CHD9: variants seen among roughly 807,000 people sequenced by gnomAD.
CHD9 encodes ATP-dependent chromatin remodeler CHD9.
CHD9 carries 77 observed loss-of-function variants against 316.1 expected under a neutral mutation model. The observed-to-expected ratio is 0.24, with a 90% CI of 0.20 to 0.29. The LOEUF (loss-of-function observed/expected upper bound fraction) is 0.29, where lower values mean the gene tolerates loss of function less well. Ranked by LOEUF, CHD9 falls within the 10% of genes least tolerant of loss-of-function variation. The pLI is 1.00. For missense variants in CHD9, 2,763 were observed against 3,438.1 expected (o/e 0.80, Z 4.91); for synonymous variants, 1,129 against 1,158.3 (o/e 0.97, Z 0.51).
chr16:53,082,089 C>G lies in CHD9; in HGVS notation c.-165+27012C>G, dbSNP rs553237679. Among the ~76,000 whole-genome samples, 3 of 152,278 alleles carry G rather than the reference C, an allele frequency of 2.0e-5. No individual in the cohort carries two copies. The South Asian group carries it at 6.2e-4, about 32-fold the overall frequency. ...AAGTCACTTTGTCTCAGGCTCTGTGCTTTAACCTTGGTGTTGGTGTTCCAT... is the reference window on the plus strand; with the variant it reads ...AAGTCACTTTGTCTCAGGCTCTGTGGTTTAACCTTGGTGTTGGTGTTCCAT... On this transcript the variant is annotated intron_variant, in intron 1 of 38. Transcript: ENST00000447540.
intron 22 of CHD9, among the ~76,000 whole-genome samples, chr16:53,271,027 A>C (rs539875276): frequency 1.3e-5 from 2 of 152,258 alleles, no homozygotes; most frequent in South Asian, 4.1e-4. Context: ...TAGGGATTAA[A>C]TAACTGTGTG....
intron 2 of CHD9, among the ~76,000 whole-genome samples, chr16:53,200,196 C>T (rs554803976): frequency 6.6e-6 from 1 of 152,018 alleles, no homozygotes; most frequent in African/African-American, 2.4e-5. Context: ...CATGGTGAAA[C>T]CCCATCTCTA....
chr16:53,292,923 G>A lies in CHD9; in HGVS notation c.5381G>A (p.Arg1794His), dbSNP rs749657708. Residue 1794 changes from arginine to histidine, a missense_variant, in exon 29 of 39, where the codon CGT becomes CAT. Physicochemically the swap from Arg to His is conservative, Grantham distance 29. This residue lies in a region of CHD9 where 183 missense variants were observed against 258.5 expected (regional missense o/e 0.71). Transcript: ENST00000447540. ...RLRRLITAYQ[R>H]TNKNRQIQQI... ...AGGCGTCTCATCACTGCATACCAGC[G>A]TACTAATAAAAACAGACAAATTCAG... The A allele has an allele frequency of 1.2e-6, 2 of 1,613,258 alleles. No individual in the cohort carries two copies. Among genetic ancestry groups the A allele is most frequent in the Admixed American group, 1.7e-5 (1 of 59,914 alleles).
intron 38 of CHD9, among the ~76,000 whole-genome samples, chr16:53,322,317 T>A: frequency 6.7e-6 from 1 of 149,842 alleles, no homozygotes; most frequent in African/African-American, 2.5e-5. Context: ...TTTTAAAGAG[T>A]ATATCTTAGA....
At position 53,292,876 on chromosome 16, in the gene CHD9, A is replaced by G. The variant is rs547867389; in HGVS notation, c.5334A>G (p.Gln1778=). 2.7e-5 allele frequency: 43 copies of G among 1,613,918 alleles called. No homozygotes were observed. In the Admixed American group the frequency reaches 3.3e-4, roughly 13 times the overall value. ...MEGDKVYWPT[Q]SALTTRLRRL... is the part of the protein sequence containing the mutation. Reference sequence around the variant, plus strand: ...GTGATAAAGTATATTGGCCTACTCAATCAGCTTTAACCACACGTTTGAGGC... The same window carrying G: ...GTGATAAAGTATATTGGCCTACTCAGTCAGCTTTAACCACACGTTTGAGGC... Residue 1778 remains glutamine, a synonymous_variant, in exon 29 of 39, where the codon CAA becomes CAG. Transcript: ENST00000447540.
At chr16:53,083,679 G>T (rs945258675) in intron 1 of CHD9, among the ~76,000 whole-genome samples, 15 of 151,118 alleles carry the variant, frequency 9.9e-5, no homozygotes, top group African/African-American at 3.6e-4. Flanking sequence ...CTCTCACAGA[G>T]ATGAGAAACA....
chr16:53,079,677 C>T (rs894270903), intron 1 of CHD9, among the ~76,000 whole-genome samples: 10 of 152,130 alleles, frequency 6.6e-5, no homozygotes, highest in Non-Finnish European at 1.2e-4. Context: ...TTCAGTACCA[C>T]CTACTGACCA....
intron 1 of CHD9, among the ~76,000 whole-genome samples, chr16:53,096,596 T>C (rs952293048): frequency 5.3e-5 from 8 of 152,210 alleles, no homozygotes; most frequent in Non-Finnish European, 1.0e-4. Context: ...AGCCAGGATC[T>C]GAACGCTGGC....
Position 53,267,291 on chromosome 16 carries a change from C to T in CHD9, c.4321-3C>T. The T allele has an allele frequency of 6.3e-7, 1 of 1,592,284 alleles. No individual in the cohort carries two copies. Among genetic ancestry groups the T allele is most frequent in the Non-Finnish European group, 8.6e-7 (1 of 1,168,650 alleles). On this transcript the variant is annotated splice_region_variant and splice_polypyrimidine_tract_variant and intron_variant, in intron 20 of 38. Transcript: ENST00000447540. ...TTCAGGTAATAGCAGTTCTGTTTTA[C>T]AGAACAGCTTGGTTATTGACACTCC...
At chr16:53,235,409 G>T in intron 11 of CHD9, 103 bp downstream of exon 11, 1 of 806,784 alleles carries the variant, frequency 1.2e-6, no homozygotes, top group Non-Finnish European at 1.8e-6. Context: ...TTGTTTTGAA[G>T]TCTTCATTAT....
chr16:53,230,231 C>A (rs985812271), intron 8 of CHD9, among the ~76,000 whole-genome samples: 1 of 152,086 alleles, frequency 6.6e-6, no homozygotes, highest in Non-Finnish European at 1.5e-5. Flanking sequence ...CCTCTGTACC[C>A]CAGTACTGGT....
chr16:53,180,988 T>C (rs2043464052), intron 2 of CHD9, among the ~76,000 whole-genome samples: 1 of 151,646 alleles, frequency 6.6e-6, no homozygotes. Context: ...AACAGGCATC[T>C]CTAATAAGTA....
Position 53,055,904 on chromosome 16 carries a change from C to T in CHD9, c.-165+827C>T, listed in dbSNP as rs1468725156. Among the ~76,000 whole-genome samples, 3 of 152,178 alleles carry T rather than the reference C, an allele frequency of 2.0e-5. No individual in the cohort carries two copies. The East Asian group carries it at 5.8e-4, about 29-fold the overall frequency. ...GTTTATGGGTAGGAAGGGGGTTCCT[C>T]CCCACCCTGATCCCAGAGAAGATCA... On this transcript the variant is annotated intron_variant, in intron 1 of 38. Coordinates refer to ENST00000447540, the MANE Select transcript of CHD9 (RefSeq NM_001308319.2).
intron 2 of CHD9, among the ~76,000 whole-genome samples, chr16:53,163,233 G>A (rs1034873442): frequency 6.6e-5 from 10 of 151,644 alleles, no homozygotes; most frequent in African/African-American, 1.9e-4. Flanking sequence ...TTGTTGAGAC[G>A]GAGTTTCACT....
At chr16:53,176,530 A>G (rs1204638098) in intron 2 of CHD9, among the ~76,000 whole-genome samples, 1 of 152,220 alleles carries the variant, frequency 6.6e-6, no homozygotes, top group Non-Finnish European at 1.5e-5. Flanking sequence ...TATTCTGCCA[A>G]CAACAAGCCA....
intron 1 of CHD9, among the ~76,000 whole-genome samples, chr16:53,085,213 G>A (rs1025485992): frequency 1.3e-5 from 2 of 151,830 alleles, no homozygotes; most frequent in Non-Finnish European, 2.9e-5. Flanking sequence ...ACTCTGGTCA[G>A]CTGCCTTTGA....
chr16:53,248,526 G>GTTT (rs542703474), intron 16 of CHD9, among the ~76,000 whole-genome samples: 9 of 105,990 alleles, frequency 8.5e-5, no homozygotes, highest in Admixed American at 2.1e-4. Flanking sequence ...TTTTTTTTTT[G>GTTT]TTTTTTTTTT....
intron 1 of CHD9, among the ~76,000 whole-genome samples, chr16:53,081,174 T>A (rs1188683323): frequency 6.6e-6 from 1 of 152,190 alleles, no homozygotes; most frequent in East Asian, 1.9e-4. Flanking sequence ...TGCTCTCAGC[T>A]AGTACAGGGC....
At chr16:53,091,006 C>G (rs532000432) in intron 1 of CHD9, among the ~76,000 whole-genome samples, 3 of 151,878 alleles carry the variant, frequency 2.0e-5, no homozygotes, top group East Asian at 3.9e-4. Context: ...AGCTCACCCC[C>G]CCCCGACTGA....
Sources: gnomAD v4.1 joint callset for allele counts (sites outside exome capture counted in the v4.1 genomes callset) on GRCh38, gnomAD v4.1.1 for gene constraint, gnomAD v4.1.1 regional missense constraint, MANE v1.5 for transcripts, NCBI Gene and HGNC (gene_info 2026-07-23, HGNC 2026-07-21) for gene names.